FOXN3: variants seen among roughly 807,000 people sequenced by gnomAD.
FOXN3 encodes forkhead box N3, also known as forkhead box protein N3.
FOXN3 carries 7 observed loss-of-function variants against 38.4 expected under a neutral mutation model. The observed-to-expected ratio is 0.18, with a 90% confidence interval of 0.10 to 0.34. FOXN3 has a LOEUF of 0.34. Among genes scored for constraint, FOXN3 ranks in the 10% least tolerant of loss-of-function variants. The pLI is 1.00. For missense variants in FOXN3, 456 were observed against 613.4 expected (o/e 0.74, Z 2.71); for synonymous variants, 230 against 242.2 (o/e 0.95, Z 0.47).
chr14:89,193,535 C>T (rs977929397), intron 4 of FOXN3, among the ~76,000 whole-genome samples: 9 of 152,058 alleles, frequency 5.9e-5, no homozygotes, highest in African/African-American at 2.2e-4. Context: ...CCCCCCACCC[C>T]CCCACCTTCT....
At chr14:89,498,503 G>A (rs137914854) in intron 1 of FOXN3, among the ~76,000 whole-genome samples, 3,886 of 152,142 alleles carry the variant, frequency 0.026, 143 homozygotes, top group African/African-American at 0.081. Flanking sequence ...TTACAGGCGT[G>A]AGCCACCGCG....
In FOXN3 at chr14:89,211,931, G is replaced by A. The variant is rs560230319; in HGVS notation, c.746-31125C>T. On this transcript the variant is annotated intron_variant, in intron 4 of 5. Transcript: ENST00000557258. ...TATTTGAAGATAGGGCCCTTTGGGA[G>A]GTGATAGAGTTAGAGGAGGTCATGT... Among the ~76,000 whole-genome samples, 6 of 152,284 alleles carry A rather than the reference G, an allele frequency of 3.9e-5. No homozygotes were observed. In the South Asian group the frequency reaches 1.0e-3, roughly 26 times the overall value.
At chr14:89,190,440 A>G (rs759016847) in intron 4 of FOXN3, 2 of 1,613,952 alleles carry the variant, frequency 1.2e-6, no homozygotes, top group East Asian at 2.2e-5. Context: ...GGCAGCATCA[A>G]TGTCAGGATC....
rs1212610857 is a variant in FOXN3 at position 89,158,568 on chromosome 14, G to C, written c.*3846C>G. ...TAGATGGCTTCACCAAAGAACTCTT[G>C]AAAGAATACTGATTAGGGAGGGGCA... On this transcript the variant is annotated 3_prime_UTR_variant, in exon 6 of 6. Coordinates refer to ENST00000557258, the MANE Select transcript of FOXN3 (RefSeq NM_005197.4). 1.3e-5 allele frequency: 2 copies of C among 152,572 alleles called. No homozygotes were observed. Among genetic ancestry groups the C allele is most frequent in the Non-Finnish European group, 2.9e-5 (2 of 68,030 alleles). 9.5% of individuals were successfully genotyped at this position (152,572 alleles called of 1,614,324 possible). A position where few individuals can be genotyped will look rare whatever the true frequency, so the allele number is the denominator to read the frequency against.
At chr14:89,290,106 G>A (rs1049583211) in intron 3 of FOXN3, 19 of 175,912 alleles carry the variant, frequency 1.1e-4, no homozygotes, top group African/African-American at 1.2e-4. Context: ...CAGAATTGTC[G>A]GAGGCCAAAA....
At position 89,548,114 on chromosome 14, in the gene FOXN3, T is replaced by C. The variant is rs1555359797; in HGVS notation, c.-15+70914A>G. On this transcript the variant is annotated intron_variant, in intron 1 of 6. Coordinates refer to the FOXN3 transcript ENST00000345097. The surrounding 1 kb of genome is among the most constrained non-coding windows in gnomAD (Gnocchi z 4.8). The stretch of plus-strand genomic sequence containing the variant: ...TCACGATAGAACACTTGAGTTGAAA[T>C]AAAAAATATCTATGTGTTTTTAAAC... Among the ~76,000 whole-genome samples, 1 of 152,160 alleles carries C rather than the reference T, an allele frequency of 6.6e-6. No individual in the cohort carries two copies.
chr14:89,372,288 C>G (rs1240922295), intron 2 of FOXN3, among the ~76,000 whole-genome samples: 3 of 152,098 alleles, frequency 2.0e-5, no homozygotes, highest in Non-Finnish European at 4.4e-5. Context: ...CTAAAAAGCA[C>G]AGTAAGCTTT....
intron 4 of FOXN3, among the ~76,000 whole-genome samples, chr14:89,232,301 C>T (rs61985232): frequency 0.15 from 22,489 of 152,148 alleles, 1,892 homozygotes; most frequent in Middle Eastern, 0.21. Context: ...AAACACAAAC[C>T]GTTCGCCTAT....
At chr14:89,424,727 A>G (rs1270888061) in intron 1 of FOXN3, among the ~76,000 whole-genome samples, 1 of 151,802 alleles carries the variant, frequency 6.6e-6, no homozygotes, top group Non-Finnish European at 1.5e-5. Flanking sequence ...AAAAAAAAAA[A>G]TAGAAAAATT....
chr14:89,367,095 C>T (rs990037986), intron 2 of FOXN3, among the ~76,000 whole-genome samples: 1 of 152,166 alleles, frequency 6.6e-6, no homozygotes, highest in Non-Finnish European at 1.5e-5. Context: ...GAAACACAGA[C>T]ACTGGGTTGT....
chr14:89,382,006 G>C (rs1173014783), intron 2 of FOXN3, among the ~76,000 whole-genome samples: 1 of 152,050 alleles, frequency 6.6e-6, no homozygotes. Flanking sequence ...CTCTCTAGAT[G>C]ACCCTTTGGC....
At chr14:89,241,765 G>T (rs1335919097) in intron 4 of FOXN3, among the ~76,000 whole-genome samples, 1 of 152,214 alleles carries the variant, frequency 6.6e-6, no homozygotes, top group Non-Finnish European at 1.5e-5. Context: ...CCCTGGAGAA[G>T]CATGAGAAGT....
intron 4 of FOXN3, among the ~76,000 whole-genome samples, chr14:89,209,183 C>T (rs1888458600): frequency 2.0e-5 from 3 of 152,246 alleles, no homozygotes; most frequent in Admixed American, 2.0e-4. Flanking sequence ...ACAGAACCAG[C>T]TGTAGTTACC....
rs112397310 is a variant in FOXN3, at chr14:89,426,155, C to T, written c.-14-13665G>A. Among the ~76,000 whole-genome samples the T allele has an allele frequency of 6.5e-4, 98 of 151,300 alleles. 1 individual carries two copies. Among genetic ancestry groups the T allele is most frequent in the African/African-American group, 2.4e-3 (97 of 41,200 alleles). ...TTGTTCACCCTCAGCTGGGAACGTG[C>T]ACACTGAATGACTCATTTGTACGTG... On this transcript the variant is annotated intron_variant, in intron 1 of 6. Transcript: ENST00000345097.
At chr14:89,197,888 A>T (rs981068012) in intron 4 of FOXN3, among the ~76,000 whole-genome samples, 15 of 152,242 alleles carry the variant, frequency 9.9e-5, no homozygotes, top group Non-Finnish European at 5.9e-5. Flanking sequence ...ATCAAGGAAG[A>T]CAAGTGCTGC....
intron 1 of FOXN3, among the ~76,000 whole-genome samples, chr14:89,432,538 A>G: frequency 6.6e-6 from 1 of 152,194 alleles, no homozygotes; most frequent in African/African-American, 2.4e-5. Context: ...AGGTGCTGTC[A>G]TCCTCATTTA....
At chr14:89,541,874 A>G (rs545416236) in intron 1 of FOXN3, among the ~76,000 whole-genome samples, 1 of 152,280 alleles carries the variant, frequency 6.6e-6, no homozygotes, top group African/African-American at 2.4e-5. Context: ...AACTGGGCAC[A>G]TGGAACTACA....
chr14:89,509,212 T>A (rs978388167), intron 1 of FOXN3, among the ~76,000 whole-genome samples: 1 of 152,218 alleles, frequency 6.6e-6, no homozygotes, highest in Non-Finnish European at 1.5e-5. Context: ...GAATCTGCCC[T>A]GCCCTCTGGG....
rs549328856 is a variant in FOXN3, at chr14:89,546,336, T to C, written c.-15+72692A>G. On this transcript the variant is annotated intron_variant, in intron 1 of 6. Coordinates refer to the FOXN3 transcript ENST00000345097. Reference sequence around the variant, plus strand: ...TTTTCTTTTTTCCTTTTTCTTTTTTTTTTTTTTTTTTTGAGATGGAGTCTC... The same window carrying C: ...TTTTCTTTTTTCCTTTTTCTTTTTTCTTTTTTTTTTTTGAGATGGAGTCTC... 5.6e-4 allele frequency among the ~76,000 whole-genome samples: 68 copies of C among 122,456 alleles called. 1 individual carries two copies. In the East Asian group the frequency reaches 0.01, roughly 18 times the overall value. The allele number at this position is 122,456 out of a possible 152,430, so 80.3% of individuals were successfully genotyped here.
Sources: gnomAD v4.1 joint callset for allele counts (sites outside exome capture counted in the v4.1 genomes callset) on GRCh38, gnomAD v4.1.1 for gene constraint, Gnocchi (gnomAD v3.1) non-coding constraint, MANE v1.5 for transcripts, NCBI Gene and HGNC (gene_info 2026-07-23, HGNC 2026-07-21) for gene names.